Variants in SP140 observed in about 807,000 individuals in gnomAD.
SP140 encodes the protein SP140 nuclear body protein.
In SP140, 81 loss-of-function variants were observed where a neutral mutation model predicts 125.0. That is an observed-to-expected ratio of 0.65 (90% CI 0.54 to 0.78). The LOEUF (loss-of-function observed/expected upper bound fraction) is 0.78, where lower values mean the gene tolerates loss of function less well. Ranked by LOEUF, SP140 falls within the 30% of genes least tolerant of loss-of-function variation. The pLI, the probability that SP140 is intolerant of heterozygous loss-of-function variation, is 0.00. For synonymous variants in SP140, 312 were observed against 354.0 expected, an observed-to-expected ratio of 0.88 and a Z score of 1.33; for missense variants, 858 against 1,037.0, an observed-to-expected ratio of 0.83 and a Z score of 2.37.
At chr2:230,252,748 A>C (rs1396330807) in intron 10 of SP140, among the ~76,000 whole-genome samples, 1 of 151,962 alleles carries the variant, frequency 6.6e-6, no homozygotes, top group Non-Finnish European at 1.5e-5. Flanking sequence ...CGCAAAGGCA[A>C]AGTAGAAAAG....
chr2:230,313,579 C>G (rs985988237), downstream of SP140, among the ~76,000 whole-genome samples: 2 of 152,172 alleles, frequency 1.3e-5, no homozygotes, highest in Non-Finnish European at 2.9e-5. Flanking sequence ...TTTGGCCACA[C>G]GATGCTGCTT....
chr2:230,284,437 C>T (rs1309050579), intron 16 of SP140, 26 bp downstream of exon 16: 5 of 1,590,118 alleles, frequency 3.1e-6, no homozygotes, highest in African/African-American at 2.7e-5. Context: ...GAAGTAGTTA[C>T]AGCTTTTGAG....
At chr2:230,201,700 T>C (rs1361503372), upstream of SP140, among the ~76,000 whole-genome samples, 1 of 152,238 alleles carries the variant, frequency 6.6e-6, no homozygotes, top group Non-Finnish European at 1.5e-5. Flanking sequence ...AAGCTCACTG[T>C]ATAATTCCAA....
chr2:230,210,246 T>A (rs1401965051), intron 1 of SP140, among the ~76,000 whole-genome samples: 3 of 152,152 alleles, frequency 2.0e-5, no homozygotes, highest in Admixed American at 2.0e-4. Context: ...CTCAGTCTGA[T>A]CCTTTTAGAG....
chr2:230,266,483 A>G (rs1231994736), intron 12 of SP140, among the ~76,000 whole-genome samples: 1 of 152,184 alleles, frequency 6.6e-6, no homozygotes, highest in East Asian at 1.9e-4. Context: ...CTGCATGACA[A>G]ATAACCACAA....
At chr2:230,256,732 G>A (rs1020299900) in intron 12 of SP140, among the ~76,000 whole-genome samples, 1 of 152,072 alleles carries the variant, frequency 6.6e-6, no homozygotes, top group Non-Finnish European at 1.5e-5. Context: ...TTCCTCTGCT[G>A]GTAGATACTT....
chr2:230,276,018 G>T (rs2054657802), intron 15 of SP140, among the ~76,000 whole-genome samples: 1 of 152,144 alleles, frequency 6.6e-6, no homozygotes, highest in Non-Finnish European at 1.5e-5. Context: ...TGGTTCCTGA[G>T]GTTGAAGGAA....
At chr2:230,229,660 G>T (rs1242320721) in intron 1 of SP140, among the ~76,000 whole-genome samples, 1 of 151,180 alleles carries the variant, frequency 6.6e-6, no homozygotes, top group East Asian at 1.9e-4. Flanking sequence ...GTAGAGACGG[G>T]ATTTCACCAT....
chr2:230,213,909 C>G (rs1468282298), intron 2 of SP140: 2 of 152,342 alleles, frequency 1.3e-5, no homozygotes, highest in African/African-American at 4.8e-5. Context: ...TGGAGGTGGA[C>G]TTGCCCCTTT....
rs116469870 is a variant in SP140, at chr2:230,309,043, C to T, written c.2059-881C>T. On this transcript the variant is annotated intron_variant, in intron 22 of 26. Coordinates refer to ENST00000392045, the MANE Select transcript of SP140 (RefSeq NM_007237.5). ...AATGACCGGGATTTGCTCCACAACA[C>T]GTGGATGCAAATACCATCATATTTT... is the stretch of plus-strand genomic sequence containing the variant. 2.2e-3 allele frequency among the ~76,000 whole-genome samples: 332 copies of T among 152,288 alleles called. 2 individuals are homozygous for T. Among genetic ancestry groups the T allele is most frequent in the Middle Eastern group, 6.8e-3 (2 of 294 alleles).
upstream of SP140, chr2:230,201,114 G>A (rs958020625): frequency 1.4e-6 from 1 of 724,948 alleles, no homozygotes; most frequent in Non-Finnish European, 2.5e-6. Flanking sequence ...AAGAGATTTG[G>A]TGCTGCTCAT....
At chr2:230,191,874 C>T in the SP140 span, among the ~76,000 whole-genome samples, 5 of 151,984 alleles carry the variant, frequency 3.3e-5, no homozygotes, top group South Asian at 2.1e-4. Context: ...AACATCAATA[C>T]GAAAATCCTC....
At chr2:230,200,640 T>C (rs73100094), upstream of SP140, 3,426 of 548,738 alleles carry the variant, frequency 6.2e-3, 80 homozygotes, top group African/African-American at 0.058. Context: ...TCTTGAGTGC[T>C]GAGAAAAATC....
chr2:230,268,474 G>A (rs1461495167), intron 12 of SP140, among the ~76,000 whole-genome samples: 4 of 150,974 alleles, frequency 2.6e-5, no homozygotes, highest in Non-Finnish European at 4.4e-5. Context: ...GCAGTGAGCC[G>A]AGATTACGCG....
At position 230,303,262 on chromosome 2, in the gene SP140, T is replaced by G. The variant is rs147751456; in HGVS notation, c.2058+5800T>G. ...CACCACAGAAATACAGAAGATCACT[T>G]AAGTCTACTATGAACACCTTTATGC... On this transcript the variant is annotated intron_variant, in intron 22 of 26. Transcript: ENST00000392045. Among the ~76,000 whole-genome samples the G allele has an allele frequency of 8.4e-3, 1,284 of 152,196 alleles. 11 individuals carry two copies. Among genetic ancestry groups the G allele is most frequent in the Non-Finnish European group, 0.013 (861 of 67,976 alleles).
chr2:230,200,269 A>C (rs759410194), upstream of SP140, among the ~76,000 whole-genome samples: 2 of 152,232 alleles, frequency 1.3e-5, no homozygotes, highest in African/African-American at 2.4e-5. Context: ...ACGAATATCT[A>C]GCTGTTTTTT....
intron 3 of SP140, among the ~76,000 whole-genome samples, chr2:230,217,692 G>A (rs891586708): frequency 6.6e-6 from 1 of 152,290 alleles, no homozygotes; most frequent in African/African-American, 2.4e-5. Context: ...ACTAGAGAGT[G>A]GAAGAGCTGG....
chr2:230,198,806 C>T (rs2042994062), upstream of SP140, among the ~76,000 whole-genome samples: 1 of 152,114 alleles, frequency 6.6e-6, no homozygotes, highest in Admixed American at 6.5e-5. Flanking sequence ...CCATGTTGGC[C>T]AGACTGGTCT....
At chr2:230,217,004 G>A in intron 3 of SP140, 5 of 1,275,920 alleles carry the variant, frequency 3.9e-6, no homozygotes, top group Non-Finnish European at 5.5e-6. Flanking sequence ...CCGGCACTTT[G>A]GGAGGCCGAG....
Sources: allele counts gnomAD v4.1 joint callset (sites outside exome capture counted in the v4.1 genomes callset), GRCh38; gene constraint gnomAD v4.1.1; transcripts MANE v1.5; gene names NCBI Gene and HGNC (gene_info 2026-07-23, HGNC 2026-07-21).